Variants in EXOC2 observed in about 807,000 individuals in gnomAD.
EXOC2 encodes the protein SEC5-like 1.
A neutral mutation model predicts 131.8 loss-of-function variants in EXOC2; 70 were observed. The observed-to-expected ratio is 0.53, with a 90% CI of 0.44 to 0.65. The LOEUF (loss-of-function observed/expected upper bound fraction) is 0.65, where lower values mean the gene tolerates loss of function less well. EXOC2 is among the 30% of genes least tolerant of loss of function. The pLI is 0.00. For synonymous variants in EXOC2, 411 were observed against 398.4 expected, an observed-to-expected ratio of 1.03 and a Z score of -0.38; for missense variants, 923 against 1,108.6, an observed-to-expected ratio of 0.83 and a Z score of 2.38.
intron 6 of EXOC2, among the ~76,000 whole-genome samples, chr6:615,200 T>G (rs1414554840): frequency 1.3e-5 from 2 of 151,732 alleles, no homozygotes; most frequent in South Asian, 2.1e-4. Context: ...TGTGTGTGTG[T>G]GTGTGTGTGT....
At chr6:650,263 C>A (rs1045163104) in intron 1 of EXOC2, among the ~76,000 whole-genome samples, 1 of 152,104 alleles carries the variant, frequency 6.6e-6, no homozygotes, top group Admixed American at 6.5e-5. Context: ...GAAATAAAAA[C>A]GCTTGTTCAC....
chr6:597,687 C>T (rs1759894838), intron 10 of EXOC2, among the ~76,000 whole-genome samples: 1 of 152,160 alleles, frequency 6.6e-6, no homozygotes, highest in Non-Finnish European at 1.5e-5. Context: ...ATGCAGGGAG[C>T]CCCTCCTTCA....
At chr6:487,070 T>C (rs1353743794) in intron 27 of EXOC2, among the ~76,000 whole-genome samples, 1 of 152,218 alleles carries the variant, frequency 6.6e-6, no homozygotes, top group African/African-American at 2.4e-5. Flanking sequence ...AATTCAACTC[T>C]AAAATAATTT....
intron 13 of EXOC2, among the ~76,000 whole-genome samples, chr6:568,203 C>T (rs1330054770): frequency 6.6e-6 from 1 of 152,200 alleles, no homozygotes; most frequent in Non-Finnish European, 1.5e-5. Context: ...TTAACATGCG[C>T]ATCAATGCAC....
At chr6:491,070 G>C in intron 26 of EXOC2, 55 bp downstream of exon 26, 2 of 1,561,950 alleles carry the variant, frequency 1.3e-6, no homozygotes, top group Non-Finnish European at 1.8e-6. Flanking sequence ...GAATTGACTA[G>C]TAAGACAACC....
chr6:682,856 C>T (rs1764475157), intron 1 of EXOC2, among the ~76,000 whole-genome samples: 1 of 152,142 alleles, frequency 6.6e-6, no homozygotes, highest in African/African-American at 2.4e-5. Flanking sequence ...TTCCTCTGAG[C>T]ATTAGTTTAA....
At chr6:666,287 A>G (rs1763641185) in intron 1 of EXOC2, among the ~76,000 whole-genome samples, 1 of 152,234 alleles carries the variant, frequency 6.6e-6, no homozygotes, top group Non-Finnish European at 1.5e-5. Context: ...TGACTGGAAT[A>G]TATCAAAAAC....
intron 25 of EXOC2, among the ~76,000 whole-genome samples, chr6:496,552 T>C (rs1763754268): frequency 6.6e-6 from 1 of 152,122 alleles, no homozygotes; most frequent in Admixed American, 6.5e-5. Context: ...AAGCCTGTTT[T>C]TCAAGCCAGA....
intron 1 of EXOC2, among the ~76,000 whole-genome samples, chr6:680,542 T>G (rs994960363): frequency 6.6e-6 from 1 of 152,136 alleles, no homozygotes; most frequent in African/African-American, 2.4e-5. Flanking sequence ...TTTAGAAACG[T>G]AGGTAGGCCT....
At chr6:584,308 A>T (rs1759080665) in intron 11 of EXOC2, among the ~76,000 whole-genome samples, 1 of 152,238 alleles carries the variant, frequency 6.6e-6, no homozygotes, top group South Asian at 2.1e-4. Context: ...ATTTGTAAAA[A>T]TGATATAAAA....
At chr6:532,669 A>G in intron 22 of EXOC2, 59 bp from the exon 23 acceptor site, 1 of 1,347,284 alleles carries the variant, frequency 7.4e-7, no homozygotes. Flanking sequence ...AAAAAGTAAA[A>G]TAATGTTAAC....
intron 23 of EXOC2, among the ~76,000 whole-genome samples, chr6:509,067 C>A (rs879762216): frequency 1.3e-5 from 2 of 152,224 alleles, no homozygotes; most frequent in Admixed American, 6.5e-5. Flanking sequence ...TCTCCATCTG[C>A]ATATTTACTT....
At chr6:507,107 C>G (rs1457659408) in intron 23 of EXOC2, among the ~76,000 whole-genome samples, 1 of 143,286 alleles carries the variant, frequency 7.0e-6, no homozygotes, top group Non-Finnish European at 1.5e-5. Flanking sequence ...CACACACACA[C>G]AGCAGTGACT....
At chr6:515,792 T>C (rs1581346674) in intron 23 of EXOC2, among the ~76,000 whole-genome samples, 2 of 152,088 alleles carry the variant, frequency 1.3e-5, no homozygotes, top group Admixed American at 1.3e-4. Flanking sequence ...CATACAACGA[T>C]TTCCAACAAC....
intron 22 of EXOC2, among the ~76,000 whole-genome samples, chr6:534,869 T>C (rs2127543816): frequency 6.6e-6 from 1 of 152,338 alleles, no homozygotes; most frequent in Admixed American, 6.5e-5. Context: ...AGAGACTCCC[T>C]GGACATGTGA....
At chr6:636,197 C>T (rs758430574) in intron 2 of EXOC2, among the ~76,000 whole-genome samples, 1 of 152,206 alleles carries the variant, frequency 6.6e-6, no homozygotes, top group African/African-American at 2.4e-5. Flanking sequence ...TGACTGCCAG[C>T]GAAAATTCTG....
At position 629,975 on chromosome 6, in the gene EXOC2, G is replaced by A. The variant is rs201410737; in HGVS notation, c.296-14C>T. ...GATCCAAAATGCCTACAGAAATGAG[G>A]AGCATATGCTTAATAAGATGAAGCC... On this transcript the variant is annotated splice_polypyrimidine_tract_variant and intron_variant, in intron 3 of 27. Transcript: ENST00000230449. The A allele has an allele frequency of 1.9e-4, 309 of 1,612,912 alleles. No homozygotes were observed. The highest frequency in any genetic ancestry group is 2.3e-4 in the Non-Finnish European group (266 of 1,179,512).
At chr6:636,408 A>G (rs1050366857) in intron 2 of EXOC2, among the ~76,000 whole-genome samples, 9 of 152,248 alleles carry the variant, frequency 5.9e-5, no homozygotes, top group African/African-American at 2.2e-4. Flanking sequence ...ACCTTTGTCC[A>G]TGGTATTCCT....
chr6:634,286 T>G lies in EXOC2; in HGVS notation c.119-1169A>C, dbSNP rs1344715803. On this transcript the variant is annotated intron_variant, in intron 2 of 27. Coordinates refer to ENST00000230449, the MANE Select transcript of EXOC2 (RefSeq NM_018303.6). The stretch of plus-strand genomic sequence containing the variant: ...TTTTTTTAGAGACACAGTTTCGTCA[T>G]GCTGGTCAGGCTGGTCTCGAACTCC... 2.6e-5 allele frequency among the ~76,000 whole-genome samples: 4 copies of G among 152,278 alleles called. No individual in the cohort carries two copies. The East Asian group carries it at 7.7e-4, about 29-fold the overall frequency.
Sources: allele counts gnomAD v4.1 joint callset (sites outside exome capture counted in the v4.1 genomes callset), GRCh38; gene constraint gnomAD v4.1.1; transcripts MANE v1.5; gene names NCBI Gene and HGNC (gene_info 2026-07-23, HGNC 2026-07-21).